MAJIN: variants seen among roughly 807,000 people sequenced by gnomAD.
MAJIN encodes the protein membrane-anchored junction protein.
In MAJIN, 27 loss-of-function variants were observed where a neutral mutation model predicts 30.2. That is an observed-to-expected ratio of 0.89 (90% CI 0.66 to 1.23). The LOEUF (loss-of-function observed/expected upper bound fraction) is 1.23. MAJIN is among the 50% of genes most tolerant of loss of function. The pLI is 0.00. For missense variants in MAJIN, 253 were observed against 260.3 expected (o/e 0.97, Z 0.19); for synonymous variants, 78 against 91.6 (o/e 0.85, Z 0.85).
At chr11:64,963,177 A>T (rs1945754726) in intron 1 of MAJIN, among the ~76,000 whole-genome samples, 1 of 152,182 alleles carries the variant, frequency 6.6e-6, no homozygotes, top group African/African-American at 2.4e-5. Context: ...CTTTCCAGGA[A>T]ATCAATTCTT....
chr11:64,951,314 G>A (rs1028779668), intron 4 of MAJIN, among the ~76,000 whole-genome samples: 1 of 151,972 alleles, frequency 6.6e-6, no homozygotes, highest in African/African-American at 2.4e-5. Context: ...AATTTTAATC[G>A]ATTAGTCCCT....
chr11:64,948,289 C>T (rs1429329700), intron 6 of MAJIN, among the ~76,000 whole-genome samples: 1 of 151,800 alleles, frequency 6.6e-6, no homozygotes, highest in Non-Finnish European at 1.5e-5. Context: ...TCCCCTGTTT[C>T]AGAATGATTG....
At chr11:64,940,779 T>TATTTCTTTCC in intron 8 of MAJIN, 133 bp from the exon 9 acceptor site, 2 of 686,614 alleles carry the variant, frequency 2.9e-6, no homozygotes, top group South Asian at 1.8e-5. Flanking sequence ...ACAGGTTCTA[T>TATTTCTTTCC]ATTTCTTTCC....
At chr11:64,967,658 G>C (rs944160502) in intron 1 of MAJIN, among the ~76,000 whole-genome samples, 1 of 152,078 alleles carries the variant, frequency 6.6e-6, no homozygotes, top group African/African-American at 2.4e-5. Context: ...ACAGTAACCC[G>C]AACACAGTGG....
At chr11:64,946,641 C>T (rs180890640) in intron 8 of MAJIN, among the ~76,000 whole-genome samples, 95 of 152,226 alleles carry the variant, frequency 6.2e-4, no homozygotes, top group Middle Eastern at 6.8e-3. Context: ...TCCACAGAGT[C>T]CCAGGAAAAG....
chr11:64,957,157 A>G (rs1315722521), intron 3 of MAJIN, among the ~76,000 whole-genome samples: 1 of 151,798 alleles, frequency 6.6e-6, no homozygotes, highest in East Asian at 1.9e-4. Flanking sequence ...GGCTACCTGC[A>G]GCCTCAACTC....
chr11:64,940,531 G>T (rs1945358144), intron 9 of MAJIN, 43 bp downstream of exon 9: 2 of 1,570,660 alleles, frequency 1.3e-6, no homozygotes, highest in African/African-American at 1.4e-5. Flanking sequence ...AAGGGAAAGG[G>T]TGATTATTAA....
intron 5 of MAJIN, among the ~76,000 whole-genome samples, chr11:64,950,075 AT>A (rs1208626842): frequency 6.6e-6 from 1 of 152,170 alleles, no homozygotes; most frequent in Non-Finnish European, 1.5e-5. Flanking sequence ...CATGGCTGTA[AT>A]CCCAGCACTT....
At position 64,938,419 on chromosome 11, in the gene MAJIN, C is replaced by T. The variant is rs144961667; in HGVS notation, c.*156G>A. The T allele has an allele frequency of 5.5e-4, 708 of 1,292,782 alleles. 2 individuals are homozygous for T. Among genetic ancestry groups the T allele is most frequent in the Non-Finnish European group, 7.3e-4 (682 of 928,678 alleles). The allele number at this position is 1,292,782 out of a possible 1,614,324, so 80.1% of individuals were successfully genotyped here. The stretch of plus-strand genomic sequence containing the variant: ...GAGGACTCAGCATGGGGACCTCATT[C>T]CCCACGACTGAAGTGTCATAAGAAA... On this transcript the variant is annotated 3_prime_UTR_variant, in exon 11 of 11. Coordinates refer to ENST00000301896, the MANE Select transcript of MAJIN (RefSeq NM_001037225.3).
At chr11:64,947,349 G>A (rs753702004) in intron 8 of MAJIN, 25 bp downstream of exon 8, 7 of 1,587,152 alleles carry the variant, frequency 4.4e-6, no homozygotes, top group Non-Finnish European at 4.3e-6. Context: ...ACGCAGGAGC[G>A]AGCCTCTCTC....
chr11:64,964,506 C>T (rs570011988), intron 1 of MAJIN, among the ~76,000 whole-genome samples: 1 of 152,222 alleles, frequency 6.6e-6, no homozygotes, highest in South Asian at 2.1e-4. Flanking sequence ...CTCGGTCAGT[C>T]ATTTTACCAA....
intron 6 of MAJIN, 38 bp from the exon 7 acceptor site, chr11:64,947,857 A>G: frequency 1.4e-6 from 2 of 1,400,182 alleles, no homozygotes; most frequent in African/African-American, 1.6e-5. Flanking sequence ...TAGATTTAAG[A>G]CTTTTTTTTT....
intron 1 of MAJIN, among the ~76,000 whole-genome samples, chr11:64,965,997 G>A (rs1344805674): frequency 6.6e-6 from 1 of 151,174 alleles, no homozygotes; most frequent in African/African-American, 2.4e-5. Flanking sequence ...TGAATTCACT[G>A]CAGCACTCTA....
In MAJIN at chr11:64,947,199, T is replaced by C. The variant is rs145543501; in HGVS notation, c.473+175A>G. 1.4e-4 allele frequency among the ~76,000 whole-genome samples: 21 copies of C among 152,354 alleles called. No homozygotes were observed. The East Asian group carries it at 4.0e-3, about 29-fold the overall frequency. Reference sequence around the variant, plus strand: ...TGCTGAAAAAGGGACTGTGTTCAAATTATATTGTAAATATTAACTTGCTCC... The same window carrying C: ...TGCTGAAAAAGGGACTGTGTTCAAACTATATTGTAAATATTAACTTGCTCC... On this transcript the variant is annotated intron_variant, in intron 8 of 10. Coordinates refer to ENST00000301896, the MANE Select transcript of MAJIN (RefSeq NM_001037225.3).
intron 6 of MAJIN, among the ~76,000 whole-genome samples, chr11:64,948,757 A>G (rs2136751187): frequency 7.2e-6 from 1 of 139,328 alleles, no homozygotes; most frequent in African/African-American, 2.7e-5. Context: ...CCCGGGTTCA[A>G]GCGATTCTTC....
Position 64,939,752 on chromosome 11 carries a change from T to G in MAJIN, c.562A>C (p.Thr188Pro), listed in dbSNP as rs558618357. Reference sequence around the variant, plus strand: ...TGGGACAATTCGCCCTGGCAGGCTGTGTCCCCACTCAGAATCTGTAAGGAA... The same window carrying G: ...TGGGACAATTCGCCCTGGCAGGCTGGGTCCCCACTCAGAATCTGTAAGGAA... ...MSRNKILSGDTACQGELSHPC... is the reference protein window; with the variant it reads ...MSRNKILSGDPACQGELSHPC... The change falls in exon 10 of 11, where the codon ACA becomes CCA. Residue 188 changes from threonine to proline, a missense_variant. Physicochemically the swap from Thr to Pro is conservative, Grantham distance 38. Coordinates refer to ENST00000301896, the MANE Select transcript of MAJIN (RefSeq NM_001037225.3). 2.2e-5 allele frequency: 36 copies of G among 1,613,824 alleles called. No homozygotes were observed. Among genetic ancestry groups the G allele is most frequent in the Non-Finnish European group, 3.1e-5 (36 of 1,179,906 alleles).
intron 10 of MAJIN, among the ~76,000 whole-genome samples, chr11:64,938,970 T>C (rs587835): frequency 0.54 from 81,683 of 152,110 alleles, 23,728 homozygotes; most frequent in Non-Finnish European, 0.67. Context: ...TGCTCTGTTG[T>C]CCAGGCTGGA....
chr11:64,941,471 C>T (rs1248042753), intron 8 of MAJIN, among the ~76,000 whole-genome samples: 1 of 152,072 alleles, frequency 6.6e-6, no homozygotes, highest in Non-Finnish European at 1.5e-5. Context: ...GCCTGGCCAA[C>T]ATGGTCAAAC....
At chr11:64,950,624 C>T (rs1945537981) in intron 4 of MAJIN, among the ~76,000 whole-genome samples, 194 bp from the exon 5 acceptor site, 2 of 152,060 alleles carry the variant, frequency 1.3e-5, no homozygotes, top group South Asian at 4.1e-4. Context: ...CTTTGTGGCC[C>T]AGGCTGAAGG....
Sources: allele counts gnomAD v4.1 joint callset (sites outside exome capture counted in the v4.1 genomes callset), GRCh38; gene constraint gnomAD v4.1.1; transcripts MANE v1.5; gene names NCBI Gene and HGNC (gene_info 2026-07-23, HGNC 2026-07-21).